The following KDM1A variants were observed in gnomAD, a reference collection of about 807,000 sequenced individuals.
KDM1A encodes the protein lysine demethylase 1A, also known as lysine-specific histone demethylase 1A.
In KDM1A, 49 loss-of-function variants were observed where a neutral mutation model predicts 109.4. The observed-to-expected ratio is 0.45, with a 90% CI of 0.36 to 0.57. The LOEUF (loss-of-function observed/expected upper bound fraction) is 0.57. Ranked by LOEUF, KDM1A falls within the 20% of genes least tolerant of loss-of-function variation. The pLI is 0.00. For missense variants in KDM1A, 668 were observed against 1,116.6 expected, an observed-to-expected ratio of 0.60 and a Z score of 5.73; for synonymous variants, 380 against 415.4, an observed-to-expected ratio of 0.91 and a Z score of 1.04.
At chr1:23,062,019 A>G (rs1192275809) in intron 9 of KDM1A, among the ~76,000 whole-genome samples, 1 of 152,226 alleles carries the variant, frequency 6.6e-6, no homozygotes, top group Non-Finnish European at 1.5e-5. Flanking sequence ...ATTTATGCTT[A>G]TAATTACAAA....
chr1:23,061,555 CTTGCCTT>C (rs766503324), intron 9 of KDM1A, among the ~76,000 whole-genome samples: 1 of 152,120 alleles, frequency 6.6e-6, no homozygotes, highest in Non-Finnish European at 1.5e-5. Flanking sequence ...TTGAGTTATG[CTTGCCTT>C]AGTTAATCAA....
rs1264529253 is a variant in KDM1A at position 23,042,610 on chromosome 1, T to G, written c.518-1817T>G. Among the ~76,000 whole-genome samples the G allele has an allele frequency of 2.6e-3, 384 of 147,488 alleles. 3 individuals are homozygous for G. The highest frequency in any genetic ancestry group is 9.0e-3 in the African/African-American group (359 of 40,020). ...TGGGACTACAGGCGCCCGCCACTAC[T>G]CCCGGCTAATTTTTTGTATTTTTAG... On this transcript the variant is annotated intron_variant, in intron 2 of 20. Coordinates refer to ENST00000400181, the MANE Select transcript of KDM1A (RefSeq NM_001009999.3).
At position 23,077,441 on chromosome 1, in the gene KDM1A, A is replaced by G. The variant is rs1320787438; in HGVS notation, c.1867+81A>G. On this transcript the variant is annotated intron_variant, in intron 16 of 20. Transcript: ENST00000400181. ...TTTTGTTAGGTGCGACCTATCAGGT[A>G]CATTTCCTGATAGAGTGTTTATGAC... is the stretch of plus-strand genomic sequence containing the variant. 3.5e-6 allele frequency: 5 copies of G among 1,424,602 alleles called. No homozygotes were observed. The South Asian group carries it at 4.2e-5, about 12-fold the overall frequency. 88.2% of individuals were successfully genotyped at this position (1,424,602 alleles called of 1,614,324 possible).
rs1279752679 is a variant in KDM1A at position 23,019,792 on chromosome 1, C to T, written c.196C>T (p.Pro66Ser). The T allele has an allele frequency of 2.9e-6, 4 of 1,384,228 alleles. No individual in the cohort carries two copies. Among genetic ancestry groups the T allele is most frequent in the Admixed American group, 3.9e-5 (1 of 25,846 alleles). 85.7% of individuals were successfully genotyped at this position (1,384,228 alleles called of 1,614,324 possible). Residue 66 changes from proline to serine, a missense_variant, in exon 1 of 21, where the codon CCG (proline) becomes TCG (serine). Pro to Ser is a moderately conservative substitution (Grantham distance 74). Coordinates refer to ENST00000400181, the MANE Select transcript of KDM1A (RefSeq NM_001009999.3). The part of the protein sequence containing the change: ...GERTPRKKEP[P>S]RASPPGGLAE... ...GCGCACACCCCGCAAGAAAGAGCCT[C>T]CGCGGGCCTCGCCCCCCGGGGGCCT... is the stretch of plus-strand genomic sequence containing the variant.
intron 7 of KDM1A, among the ~76,000 whole-genome samples, chr1:23,057,261 A>T (rs1642858026): frequency 6.6e-6 from 1 of 152,214 alleles, no homozygotes. Flanking sequence ...TCGTTTAGTT[A>T]TATGACATTT....
chr1:23,032,079 G>C (rs995411184), intron 2 of KDM1A, among the ~76,000 whole-genome samples: 3 of 151,582 alleles, frequency 2.0e-5, no homozygotes, highest in African/African-American at 7.3e-5. Context: ...TGTTCTTTTT[G>C]GTTCTTACCT....
intron 14 of KDM1A, 100 bp from the exon 15 acceptor site, chr1:23,073,192 C>A (rs1378057757): frequency 3.0e-6 from 2 of 669,772 alleles, no homozygotes; most frequent in East Asian, 5.1e-5. Context: ...AAGGCACAGC[C>A]CTGGCTTAGG....
intron 2 of KDM1A, among the ~76,000 whole-genome samples, chr1:23,037,129 T>TACACACACACAC (rs59175262): frequency 1.0e-4 from 15 of 147,636 alleles, no homozygotes; most frequent in African/African-American, 3.5e-4. Flanking sequence ...AAAATATATA[T>TACACACACACAC]ACACACACAC....
intron 3 of KDM1A, among the ~76,000 whole-genome samples, chr1:23,046,272 G>A (rs1221635868): frequency 6.6e-6 from 1 of 152,072 alleles, no homozygotes; most frequent in African/African-American, 2.4e-5. Flanking sequence ...TAAAAACTCT[G>A]AAGTATAGGA....
At chr1:23,055,318 TAATA>T (rs377263766) in intron 6 of KDM1A, 157 bp downstream of exon 6, 118 of 363,098 alleles carry the variant, frequency 3.2e-4, no homozygotes, top group African/African-American at 2.1e-3. Context: ...AAGTTAAATA[TAATA>T]AATAAATAAT....
intron 3 of KDM1A, among the ~76,000 whole-genome samples, chr1:23,045,313 T>A (rs549312519): frequency 5.3e-5 from 8 of 152,352 alleles, no homozygotes; most frequent in African/African-American, 1.9e-4. Context: ...AAGTCTACTT[T>A]AAAATTATTT....
At chr1:23,036,635 G>A (rs1156267167) in intron 2 of KDM1A, among the ~76,000 whole-genome samples, 1 of 151,908 alleles carries the variant, frequency 6.6e-6, no homozygotes, top group Non-Finnish European at 1.5e-5. Flanking sequence ...AGATAAATAC[G>A]CTATACAACA....
In KDM1A at chr1:23,079,261, G is replaced by A. The variant is rs1414678147; in HGVS notation, c.2055+84G>A. Reference sequence around the variant, plus strand: ...GTTTACTTGGTGAGGAGGTGGCCTTGCATTTTTGGGCATTTGGCTATGCTC... The same window carrying A: ...GTTTACTTGGTGAGGAGGTGGCCTTACATTTTTGGGCATTTGGCTATGCTC... On this transcript the variant is annotated intron_variant, in intron 17 of 20. Coordinates refer to ENST00000400181, the MANE Select transcript of KDM1A (RefSeq NM_001009999.3). This position sits in a 1 kb window ranked among gnomAD's most constrained non-coding sequence, Gnocchi z 5.6. The A allele has an allele frequency of 1.2e-5, 17 of 1,374,890 alleles. No homozygotes were observed. Among genetic ancestry groups the A allele is most frequent in the Admixed American group, 6.2e-5 (3 of 48,058 alleles). The allele number at this position is 1,374,890 out of a possible 1,614,324, so 85.2% of individuals were successfully genotyped here. A position where few individuals can be genotyped will look rare whatever the true frequency, so the allele number is the denominator to read the frequency against.
intron 2 of KDM1A, 43 bp downstream of exon 2, chr1:23,030,677 A>G: frequency 6.8e-7 from 1 of 1,466,646 alleles, no homozygotes. Flanking sequence ...TATCTTAGAA[A>G]TAAGAATGAA....
At chr1:23,070,139 A>G (rs1643274670) in intron 12 of KDM1A, among the ~76,000 whole-genome samples, 1 of 152,258 alleles carries the variant, frequency 6.6e-6, no homozygotes, top group African/African-American at 2.4e-5. Flanking sequence ...GTGTGGTATC[A>G]TCAGAAACCT....
At chr1:23,042,443 T>TTA (rs1247532481) in intron 2 of KDM1A, among the ~76,000 whole-genome samples, 1 of 8,632 alleles carries the variant, frequency 1.2e-4, no homozygotes, top group African/African-American at 3.0e-4. Context: ...ATATATTATT[T>TTA]TTTTTTTTTT....
At chr1:23,060,076 C>G (rs1035066184) in intron 9 of KDM1A, among the ~76,000 whole-genome samples, 1 of 152,150 alleles carries the variant, frequency 6.6e-6, no homozygotes, top group African/African-American at 2.4e-5. Flanking sequence ...TCCATCCCCA[C>G]CATCATGGTC....
Position 23,019,684 on chromosome 1 carries a change from G to C in KDM1A, c.88G>C (p.Gly30Arg), listed in dbSNP as rs1641548994. 2.2e-6 allele frequency: 3 copies of C among 1,361,904 alleles called. No individual in the cohort carries two copies. Among genetic ancestry groups the C allele is most frequent in the Non-Finnish European group, 9.4e-7 (1 of 1,065,182 alleles). 84.4% of individuals were successfully genotyped at this position (1,361,904 alleles called of 1,614,324 possible). A position where few individuals can be genotyped will look rare whatever the true frequency, so the allele number is the denominator to read the frequency against. The change falls in exon 1 of 21, where the codon GGC becomes CGC. Residue 30 changes from glycine (G) to arginine (R), a missense_variant. Gly to Arg is a moderately radical substitution (Grantham distance 125). Transcript: ENST00000400181. ...GTEAGPGTAG[G>R]SENGSEVAAQ... Reference sequence around the variant, plus strand: ...GGAGGCTGGCCCTGGGACAGCAGGCGGCTCCGAGAACGGGTCTGAGGTGGC... The same window carrying C: ...GGAGGCTGGCCCTGGGACAGCAGGCCGCTCCGAGAACGGGTCTGAGGTGGC...
At chr1:23,045,374 CT>C (rs1441574872) in intron 3 of KDM1A, among the ~76,000 whole-genome samples, 3 of 152,186 alleles carry the variant, frequency 2.0e-5, no homozygotes, top group African/African-American at 7.2e-5. Flanking sequence ...ATTTCACTCT[CT>C]TGAACTAAAG....
Sources: allele counts gnomAD v4.1 joint callset (sites outside exome capture counted in the v4.1 genomes callset), GRCh38; gene constraint gnomAD v4.1.1; non-coding constraint Gnocchi (gnomAD v3.1); transcripts MANE v1.5; gene names NCBI Gene and HGNC (gene_info 2026-07-23, HGNC 2026-07-21).